CACNA1C: variants seen among roughly 807,000 people sequenced by gnomAD.
The protein encoded by CACNA1C is calcium voltage-gated channel subunit alpha1 C, also known as voltage-dependent L-type calcium channel subunit alpha-1C.
A neutral mutation model predicts 229.0 loss-of-function variants in CACNA1C; 30 were observed. That is an observed-to-expected ratio of 0.13 (90% CI 0.10 to 0.18). CACNA1C has a LOEUF of 0.18. Ranked by LOEUF, CACNA1C falls within the 10% of genes least tolerant of loss-of-function variation. The probability of loss-of-function intolerance (pLI) is 1.00; values close to 1 mark genes in which losing one functional copy is unlikely to be tolerated. For missense variants in CACNA1C, 1,658 were observed against 2,845.0 expected (o/e 0.58, Z 9.49); for synonymous variants, 1,114 against 1,132.5 (o/e 0.98, Z 0.33).
chr12:2,691,151 G>A lies in CACNA1C; in HGVS notation c.6369G>A (p.Pro2123=), dbSNP rs201211211. The change falls in exon 47 of 47, where the codon CCG becomes CCA. Residue 2123 remains proline (P), a synonymous_variant. Coordinates refer to ENST00000399655, the MANE Select transcript of CACNA1C (RefSeq NM_000719.7). ...DAGCVRARGR[P]SEEELQDSRV... The stretch of plus-strand genomic sequence containing the variant: ...GCTGTGTGCGCGCGCGGGGTCGACC[G>A]AGTGAGGAGGAGCTCCAGGACAGCA... 8.7e-6 allele frequency: 14 copies of A among 1,605,726 alleles called. No homozygotes were observed. In the African/African-American group the frequency reaches 1.2e-4, roughly 14 times the overall value.
chr12:2,137,090 C>G (rs910377753), intron 3 of CACNA1C, among the ~76,000 whole-genome samples: 1 of 151,326 alleles, frequency 6.6e-6, no homozygotes, highest in African/African-American at 2.4e-5. Flanking sequence ...GAGCAGTCCC[C>G]CTCTCGTGCC....
At chr12:2,044,698 C>A (rs970478424) in intron 1 of CACNA1C, among the ~76,000 whole-genome samples, 2 of 152,170 alleles carry the variant, frequency 1.3e-5, no homozygotes, top group African/African-American at 4.8e-5. Context: ...TCTACAATTA[C>A]AAGAGTGCAT....
chr12:2,676,011 T>C (rs1021129104), intron 39 of CACNA1C: 1 of 152,222 alleles, frequency 6.6e-6, no homozygotes, highest in Non-Finnish European at 1.5e-5. Context: ...GATGTTTACA[T>C]ACATCGTTTT....
intron 3 of CACNA1C, among the ~76,000 whole-genome samples, chr12:2,338,059 A>G (rs958317009): frequency 2.0e-5 from 3 of 152,042 alleles, no homozygotes; most frequent in Non-Finnish European, 2.9e-5. Flanking sequence ...GCCTGGTCCT[A>G]TCCCAGGACC....
At chr12:2,372,059 T>C (rs1346806850) in intron 3 of CACNA1C, among the ~76,000 whole-genome samples, 1 of 152,226 alleles carries the variant, frequency 6.6e-6, no homozygotes, top group African/African-American at 2.4e-5. Context: ...GTTGGTTGTT[T>C]ATCATTTGTT....
chr12:2,159,603 C>CTTT (rs575455560), intron 3 of CACNA1C, among the ~76,000 whole-genome samples: 1 of 138,374 alleles, frequency 7.2e-6, no homozygotes, highest in Non-Finnish European at 1.6e-5. Flanking sequence ...CTTTCTTTCT[C>CTTT]TTTTTTTTTT....
At chr12:2,450,605 A>T (rs1234216940) in intron 4 of CACNA1C, among the ~76,000 whole-genome samples, 1 of 150,476 alleles carries the variant, frequency 6.6e-6, no homozygotes, top group African/African-American at 2.5e-5. Flanking sequence ...CCATCAACAC[A>T]TCTGTCTTGT....
chr12:2,452,393 G>C (rs1332975743), intron 4 of CACNA1C, among the ~76,000 whole-genome samples: 1 of 152,108 alleles, frequency 6.6e-6, no homozygotes, highest in Non-Finnish European at 1.5e-5. Flanking sequence ...AGCCAGTGAG[G>C]CTTTGTTGCA....
intron 3 of CACNA1C, among the ~76,000 whole-genome samples, chr12:2,384,906 G>A (rs746578711): frequency 1.3e-5 from 2 of 152,204 alleles, no homozygotes; most frequent in Non-Finnish European, 2.9e-5. Flanking sequence ...TATCCAGAAG[G>A]TACGTCTCTG....
chr12:2,129,059 C>A (rs1330123552), intron 3 of CACNA1C, among the ~76,000 whole-genome samples: 1 of 152,242 alleles, frequency 6.6e-6, no homozygotes, highest in Non-Finnish European at 1.5e-5. Flanking sequence ...GACAGCACAT[C>A]ACCTTTCCCA....
At chr12:2,323,206 T>G (rs1350376628) in intron 3 of CACNA1C, among the ~76,000 whole-genome samples, 1 of 152,206 alleles carries the variant, frequency 6.6e-6, no homozygotes, top group South Asian at 2.1e-4. Context: ...TCTATCTCAA[T>G]CTGGTAATTC....
chr12:2,557,079 G>T, intron 11 of CACNA1C, 102 bp downstream of exon 11: 2 of 878,294 alleles, frequency 2.3e-6, no homozygotes, highest in Admixed American at 1.9e-5. Context: ...TGCCAGTAGT[G>T]TAAGGGCTGT....
At chr12:2,572,310 TC>T (rs2055044309) in intron 13 of CACNA1C, among the ~76,000 whole-genome samples, 5 of 145,972 alleles carry the variant, frequency 3.4e-5, no homozygotes, top group South Asian at 2.3e-4. Flanking sequence ...CTCCTCCTCC[TC>T]CTCCTCCTCT....
intron 3 of CACNA1C, among the ~76,000 whole-genome samples, chr12:2,423,696 T>C (rs2099000564): frequency 6.6e-6 from 1 of 152,182 alleles, no homozygotes; most frequent in Non-Finnish European, 1.5e-5. Context: ...CCCCACAGTC[T>C]GTATGTGACC....
chr12:2,389,620 G>C (rs1404357654), intron 3 of CACNA1C, among the ~76,000 whole-genome samples: 1 of 152,172 alleles, frequency 6.6e-6, no homozygotes, highest in Non-Finnish European at 1.5e-5. Flanking sequence ...AAGGCTTCCT[G>C]GACTGGCCTC....
intron 1 of CACNA1C, among the ~76,000 whole-genome samples, chr12:2,080,179 T>C (rs1472950673): frequency 1.3e-5 from 2 of 150,432 alleles, no homozygotes; most frequent in Admixed American, 6.6e-5. Flanking sequence ...GGAGAATGTT[T>C]TGAACCCAGG....
At chr12:2,624,419 C>G (rs1157990198) in intron 29 of CACNA1C, among the ~76,000 whole-genome samples, 2 of 152,204 alleles carry the variant, frequency 1.3e-5, no homozygotes, top group African/African-American at 4.8e-5. Context: ...GTGGGGGAGT[C>G]TTCAGTGGCT....
At position 2,601,463 on chromosome 12, in the gene CACNA1C, A is replaced by G. The variant is rs375537384; in HGVS notation, c.2854-391A>G. ...TAAGGACTCAAGCATTTGGAGAGGC[A>G]GTCGGGATGTGTGCTCCCAACCCGA... is the stretch of plus-strand genomic sequence containing the variant. On this transcript the variant is annotated intron_variant, in intron 21 of 46. Transcript: ENST00000399655. The surrounding 1 kb of genome is among the most constrained non-coding windows in gnomAD (Gnocchi z 5.9). 2.0e-4 allele frequency among the ~76,000 whole-genome samples: 30 copies of G among 151,960 alleles called. 1 individual carries two copies. In the South Asian group the frequency reaches 6.3e-3, roughly 32 times the overall value.
chr12:1,985,801 C>G (rs138597034), intron 1 of CACNA1C, among the ~76,000 whole-genome samples: 3 of 152,022 alleles, frequency 2.0e-5, no homozygotes. Context: ...CTTCCCATAT[C>G]AGTTCCATTT....
Sources: gnomAD v4.1 joint callset for allele counts (sites outside exome capture counted in the v4.1 genomes callset) on GRCh38, gnomAD v4.1.1 for gene constraint, Gnocchi (gnomAD v3.1) non-coding constraint, MANE v1.5 for transcripts, NCBI Gene and HGNC (gene_info 2026-07-23, HGNC 2026-07-21) for gene names.